SDK1: variants seen among roughly 807,000 people sequenced by gnomAD.
The protein encoded by SDK1 is sidekick cell adhesion molecule 1, also known as protein sidekick-1.
In SDK1, 157 loss-of-function variants were observed where a neutral mutation model predicts 245.5. That is an observed-to-expected ratio of 0.64 (90% confidence interval 0.56 to 0.73). The LOEUF is 0.73. Among genes scored for constraint, SDK1 ranks in the 30% least tolerant of loss-of-function variants. The probability of loss-of-function intolerance (pLI) is 0.00; values close to 1 mark genes in which losing one functional copy is unlikely to be tolerated. For synonymous variants in SDK1, 1,647 were observed against 1,278.5 expected (o/e 1.29, Z -6.15); for missense variants, 3,583 against 3,002.3 (o/e 1.19, Z -4.52).
chr7:3,611,029 A>G (rs1392190240), intron 1 of SDK1, among the ~76,000 whole-genome samples: 2 of 152,204 alleles, frequency 1.3e-5, no homozygotes, highest in Non-Finnish European at 2.9e-5. Flanking sequence ...TTGAAATAAG[A>G]GATATATTCT....
intron 1 of SDK1, among the ~76,000 whole-genome samples, chr7:3,342,830 C>T (rs1019569977): frequency 7.2e-5 from 11 of 151,922 alleles, no homozygotes; most frequent in Admixed American, 6.6e-4. Context: ...TTTCAAAATT[C>T]AATAGGAAAA....
chr7:3,663,245 A>G (rs888819089), intron 4 of SDK1, among the ~76,000 whole-genome samples: 7 of 152,226 alleles, frequency 4.6e-5, no homozygotes, highest in African/African-American at 1.7e-4. Context: ...AAGATATATA[A>G]TGATAATAGT....
chr7:3,741,168 C>T (rs1157167339), intron 4 of SDK1, among the ~76,000 whole-genome samples: 1 of 152,200 alleles, frequency 6.6e-6, no homozygotes, highest in East Asian at 1.9e-4. Context: ...CTCTGAAGTG[C>T]TAAGAAATAT....
intron 4 of SDK1, among the ~76,000 whole-genome samples, chr7:3,693,834 C>G (rs531664421): frequency 1.3e-5 from 2 of 152,212 alleles, no homozygotes; most frequent in Admixed American, 1.3e-4. Context: ...TATACTGAAG[C>G]TGCAGTGAAC....
At chr7:3,328,488 G>A (rs1272780778) in intron 1 of SDK1, among the ~76,000 whole-genome samples, 1 of 151,868 alleles carries the variant, frequency 6.6e-6, no homozygotes. Context: ...AGAAAGGAAA[G>A]GCAGTATGAT....
chr7:4,102,263 G>T (rs1782604523), intron 22 of SDK1, among the ~76,000 whole-genome samples: 4 of 152,144 alleles, frequency 2.6e-5, no homozygotes, highest in Admixed American at 1.3e-4. Flanking sequence ...CTCTGCAGGG[G>T]CCCTCCAGCC....
At chr7:4,007,230 G>A (rs544347152) in intron 14 of SDK1, among the ~76,000 whole-genome samples, 1 of 152,298 alleles carries the variant, frequency 6.6e-6, no homozygotes, top group East Asian at 1.9e-4. Context: ...GCGGGTGGAG[G>A]GGAACCACTG....
At chr7:3,381,395 C>G (rs1781483374) in intron 1 of SDK1, among the ~76,000 whole-genome samples, 1 of 152,032 alleles carries the variant, frequency 6.6e-6, no homozygotes, top group Non-Finnish European at 1.5e-5. Context: ...AGCACCCGCA[C>G]TGGTGACTGT....
intron 1 of SDK1, among the ~76,000 whole-genome samples, chr7:3,438,989 A>T (rs1005323972): frequency 6.7e-6 from 1 of 150,316 alleles, no homozygotes; most frequent in Non-Finnish European, 1.5e-5. Flanking sequence ...AGTAGTTGGG[A>T]TTACTGTTGC....
At chr7:3,514,765 C>G (rs998413643) in intron 1 of SDK1, among the ~76,000 whole-genome samples, 5 of 152,170 alleles carry the variant, frequency 3.3e-5, no homozygotes, top group African/African-American at 2.4e-5. Context: ...GAACAAGGTA[C>G]ATTGTTTTAT....
chr7:3,483,840 CTT>C (rs2128602944), intron 1 of SDK1, among the ~76,000 whole-genome samples: 1 of 152,206 alleles, frequency 6.6e-6, no homozygotes, highest in East Asian at 1.9e-4. Context: ...TTTTTCTCCT[CTT>C]TATCATTAAA....
At chr7:3,411,128 C>T (rs1045306786) in intron 1 of SDK1, among the ~76,000 whole-genome samples, 7 of 152,104 alleles carry the variant, frequency 4.6e-5, no homozygotes, top group African/African-American at 1.4e-4. Context: ...ATTTGAGCTC[C>T]TGCGGAAGAC....
intron 17 of SDK1, among the ~76,000 whole-genome samples, chr7:4,040,892 AC>A (rs1191773422): frequency 6.6e-6 from 1 of 152,112 alleles, no homozygotes; most frequent in Non-Finnish European, 1.5e-5. Context: ...TTCTGTTGGC[AC>A]AGCTGCCGGC....
At chr7:4,060,702 A>G (rs1210128348) in intron 19 of SDK1, among the ~76,000 whole-genome samples, 1 of 152,126 alleles carries the variant, frequency 6.6e-6, no homozygotes, top group Non-Finnish European at 1.5e-5. Context: ...TGTTTTAGAC[A>G]TGAAGTCCTT....
chr7:3,894,569 C>T (rs2128103069), intron 5 of SDK1, among the ~76,000 whole-genome samples: 1 of 152,284 alleles, frequency 6.6e-6, no homozygotes, highest in East Asian at 1.9e-4. Context: ...CCCAGAGATG[C>T]TCCGGGGTCT....
intron 4 of SDK1, among the ~76,000 whole-genome samples, chr7:3,820,240 C>G (rs111561316): frequency 0.033 from 4,965 of 152,240 alleles, 131 homozygotes; most frequent in Middle Eastern, 0.051. Flanking sequence ...GCCTCCGCCT[C>G]CCAGGTTCAA....
intron 1 of SDK1, among the ~76,000 whole-genome samples, chr7:3,395,705 T>C (rs73296353): frequency 0.019 from 2,879 of 152,046 alleles, 97 homozygotes; most frequent in African/African-American, 0.066. Context: ...TTCTATTCCT[T>C]CTTTAGTCAG....
intron 5 of SDK1, among the ~76,000 whole-genome samples, chr7:3,934,258 C>G (rs990185335): frequency 6.6e-6 from 1 of 152,146 alleles, no homozygotes; most frequent in Admixed American, 6.5e-5. Flanking sequence ...GACCCCCTTC[C>G]CTCTTATTTA....
rs28661301 is a variant in SDK1, at chr7:3,682,526, G to T, written c.713+40421G>T. ...AACTGTCCAGGGTCAGAACTCACGT[G>T]TCTGCTGCAGAGACAGTGCTGAGCC... On this transcript the variant is annotated intron_variant, in intron 4 of 44. Transcript: ENST00000404826. Among the ~76,000 whole-genome samples the T allele has an allele frequency of 3.9e-3, 592 of 152,398 alleles. 2 individuals carry two copies. The highest frequency in any genetic ancestry group is 0.013 in the African/African-American group (550 of 41,588).
Sources: gnomAD v4.1 joint callset for allele counts (sites outside exome capture counted in the v4.1 genomes callset) on GRCh38, gnomAD v4.1.1 for gene constraint, MANE v1.5 for transcripts, NCBI Gene and HGNC (gene_info 2026-07-23, HGNC 2026-07-21) for gene names.